SLC5A6: variants seen among roughly 807,000 people sequenced by gnomAD.
SLC5A6 encodes the protein solute carrier family 5 member 6.
SLC5A6 carries 31 observed loss-of-function variants against 67.9 expected under a neutral mutation model. The ratio of observed to expected loss-of-function variants is 0.46; its 90% confidence interval spans 0.34 to 0.62. The LOEUF (loss-of-function observed/expected upper bound fraction) is 0.62. SLC5A6 is among the 20% of genes least tolerant of loss of function. The pLI is 0.01. For synonymous variants in SLC5A6, 343 were observed against 331.0 expected (o/e 1.04, Z -0.39); for missense variants, 673 against 812.8 (o/e 0.83, Z 2.09).
chr2:27,206,181 G>A, intron 5 of SLC5A6, 88 bp from the exon 6 acceptor site: 1 of 1,087,234 alleles, frequency 9.2e-7, no homozygotes, highest in East Asian at 2.4e-5. Flanking sequence ...ATGCCACAGA[G>A]ATAAAGCATT....
rs1347837600 is a variant in SLC5A6, at chr2:27,207,571, A to G, written c.80T>C (p.Met27Thr). The G allele has an allele frequency of 6.2e-7, 1 of 1,614,148 alleles. No homozygotes were observed. Among genetic ancestry groups the G allele is most frequent in the African/African-American group, 1.3e-5 (1 of 74,954 alleles). Residue 27 changes from methionine (M) to threonine (T), a missense_variant, in exon 3 of 17, where the codon ATG (methionine) becomes ACG (threonine). By Grantham distance (81) the Met-to-Thr change is moderately conservative. Transcript: ENST00000310574. This position sits in a 1 kb window ranked among gnomAD's most constrained non-coding sequence, Gnocchi z 5.5. ...TSVGMSTFSI[M>T]DYVVFVLLLV... ...CAGCAGGACGAACACCACATAGTCC[A>G]TGATGGAGAAGGTAGACATGCCCAC...
At chr2:27,202,759 T>C (rs1200499055) in intron 12 of SLC5A6, 54 bp downstream of exon 12, 2 of 1,492,736 alleles carry the variant, frequency 1.3e-6, no homozygotes, top group Non-Finnish European at 1.9e-6. Context: ...ACTTCCTGTT[T>C]CAATCAATTC....
Position 27,201,785 on chromosome 2 carries a change from G to A in SLC5A6, c.1425C>T (p.Ile475=), listed in dbSNP as rs61360024. 7.3e-4 allele frequency: 1,171 copies of A among 1,614,112 alleles called. 5 individuals are homozygous for A. In the African/African-American group the frequency reaches 0.014, roughly 19 times the overall value. ...VMAFWIGIGS[I]VTSMGSSMPP... ...GCATGCTGGAGCCCATGCTGGTCAC[G>A]ATGCTCCCGATGCCAATCCAGAAGG... Residue 475 remains isoleucine, a synonymous_variant, in exon 14 of 17, where the codon ATC becomes ATT. Transcript: ENST00000310574.
chr2:27,208,913 G>C (rs372444085), intron 2 of SLC5A6, among the ~76,000 whole-genome samples: 1 of 152,190 alleles, frequency 6.6e-6, no homozygotes, highest in East Asian at 1.9e-4. Flanking sequence ...ACTCTGTGCG[G>C]GAGGGAGTTG....
rs773549741 is a variant in SLC5A6 at position 27,207,495 on chromosome 2, G to A, written c.156C>T (p.Gly52=). 12 of 1,614,180 alleles carry A rather than the reference G, an allele frequency of 7.4e-6. No homozygotes were observed. Among genetic ancestry groups the A allele is most frequent in the Non-Finnish European group, 1.0e-5 (12 of 1,180,038 alleles). The change falls in exon 3 of 17, where the codon GGC becomes GGT. Residue 52 remains glycine (G), a synonymous_variant. Coordinates refer to ENST00000310574, the MANE Select transcript of SLC5A6 (RefSeq NM_021095.4). This position sits in a 1 kb window ranked among gnomAD's most constrained non-coding sequence, Gnocchi z 5.5. ...IGLYHACRGW[G]RHTVGELLMA... ...TCAGCAGCTCACCAACAGTATGCCG[G>A]CCCCAGCCACGACAAGCATGGTAGA...
chr2:27,212,711 CTT>C (rs934546786), upstream of SLC5A6: 69 of 1,240,508 alleles, frequency 5.6e-5, no homozygotes, highest in African/African-American at 6.4e-4. Context: ...TTTAGAATAA[CTT>C]TAAGTTCTTT....
At chr2:27,201,559 C>T (rs1673634773) in intron 14 of SLC5A6, 106 bp from the exon 15 acceptor site, 1 of 1,371,874 alleles carries the variant, frequency 7.3e-7, no homozygotes, top group Non-Finnish European at 1.0e-6. Flanking sequence ...GACCCAATAC[C>T]CAACATTTCC....
At chr2:27,209,103 T>G (rs1674285040) in intron 2 of SLC5A6, among the ~76,000 whole-genome samples, 1 of 152,216 alleles carries the variant, frequency 6.6e-6, no homozygotes. Context: ...ACTGACGATT[T>G]CACAGATAAA....
At chr2:27,210,358 C>G (rs966752770) in intron 2 of SLC5A6, among the ~76,000 whole-genome samples, 1 of 152,114 alleles carries the variant, frequency 6.6e-6, no homozygotes, top group Admixed American at 6.5e-5. Context: ...AAGAGGGCGG[C>G]CAAAAGCAAG....
At position 27,211,488 on chromosome 2, in the gene SLC5A6, A is replaced by C. The variant is rs1674499652; in HGVS notation, c.-162T>G. 6.6e-6 allele frequency: 1 copy of C among 152,432 alleles called. No individual in the cohort carries two copies. Among genetic ancestry groups the C allele is most frequent in the Admixed American group, 6.5e-5 (1 of 15,286 alleles). The allele number at this position is 152,432 out of a possible 1,614,324, so 9.4% of individuals were successfully genotyped here. ...TTACCTCCGTGGTTCAGTCAGAGCT[A>C]GGAAGGTCCCTTTGTGCTTCCTGAG... On this transcript the variant is annotated 5_prime_UTR_variant, in exon 2 of 17. It removes the in-frame stop codon of an upstream open reading frame in the 5' UTR. Coordinates refer to ENST00000310574, the MANE Select transcript of SLC5A6 (RefSeq NM_021095.4).
chr2:27,200,488 G>T lies in SLC5A6; in HGVS notation c.1856C>A (p.Thr619Lys). 3 of 1,613,960 alleles carry T rather than the reference G, an allele frequency of 1.9e-6. No individual in the cohort carries two copies. The highest frequency in any genetic ancestry group is 1.7e-6 in the Non-Finnish European group (2 of 1,179,854). The part of the protein sequence containing the change: ...RDKEAMALDG[T>K]AYQGSSSTCI... The stretch of plus-strand genomic sequence containing the variant: ...GGTGGAGCTGCTCCCCTGATAGGCT[G>T]TGCCATCCAGGGCCATGGCCTCCTT... The change falls in exon 17 of 17, where the codon ACA becomes AAA. Residue 619 changes from threonine to lysine, a missense_variant. Transcript: ENST00000310574.
In SLC5A6 at chr2:27,201,661, C is replaced by T. The variant is rs1244086118; in HGVS notation, c.1544+5G>A. 3 of 1,612,922 alleles carry T rather than the reference C, an allele frequency of 1.9e-6. No homozygotes were observed. The highest frequency in any genetic ancestry group is 2.7e-5 in the African/African-American group (2 of 74,902). ...AAAACAAGAAGATAGCAAGCCCTGCCTTACTTGGAGAAGGTAGTCAAGGGC... is the reference window on the plus strand; with the variant it reads ...AAAACAAGAAGATAGCAAGCCCTGCTTTACTTGGAGAAGGTAGTCAAGGGC... On this transcript the variant is annotated splice_donor_5th_base_variant and intron_variant, in intron 14 of 16. Transcript: ENST00000310574.
intron 11 of SLC5A6, 57 bp from the exon 12 acceptor site, chr2:27,202,937 G>A: frequency 1.9e-6 from 3 of 1,599,434 alleles, no homozygotes; most frequent in Non-Finnish European, 2.6e-6. Flanking sequence ...CAAGCAATGG[G>A]GTAAAGCAAG....
At chr2:27,200,691 G>A (rs1002085360) in intron 16 of SLC5A6, 112 bp from the exon 17 acceptor site, 8 of 1,126,632 alleles carry the variant, frequency 7.1e-6, no homozygotes, top group South Asian at 4.5e-5. Flanking sequence ...GGCTGGGTTC[G>A]GGAGGGAGAG....
chr2:27,204,619 A>C (rs750168424), intron 8 of SLC5A6, 29 bp from the exon 9 acceptor site: 1 of 1,612,284 alleles, frequency 6.2e-7, no homozygotes, highest in East Asian at 2.2e-5. Flanking sequence ...CCAGGAGGAG[A>C]GCCGGCGTTA....
Position 27,205,190 on chromosome 2 carries a change from G to A in SLC5A6, c.734+160C>T, listed in dbSNP as rs951368607. The A allele has an allele frequency of 3.3e-5, 25 of 766,720 alleles. No homozygotes were observed. In the African/African-American group the frequency reaches 4.2e-4, roughly 13 times the overall value. The allele number at this position is 766,720 out of a possible 1,614,324, so 47.5% of individuals were successfully genotyped here. A position where few individuals can be genotyped will look rare whatever the true frequency, so the allele number is the denominator to read the frequency against. Reference sequence around the variant, plus strand: ...CTCTATAAACACTAGCCGGGCACCTGTAATCACCCTCCATCTCTGCAGGAC... The same window carrying A: ...CTCTATAAACACTAGCCGGGCACCTATAATCACCCTCCATCTCTGCAGGAC... On this transcript the variant is annotated intron_variant, in intron 7 of 16. Transcript: ENST00000310574.
chr2:27,212,766 C>A, upstream of SLC5A6: 7 of 786,024 alleles, frequency 8.9e-6, no homozygotes, highest in Non-Finnish European at 1.3e-5. Flanking sequence ...TCTCTACGCA[C>A]GAACGCCATA....
At chr2:27,205,095 A>G in intron 7 of SLC5A6, 164 bp from the exon 8 acceptor site, 1 of 779,716 alleles carries the variant, frequency 1.3e-6, no homozygotes, top group Non-Finnish European at 2.0e-6. Flanking sequence ...CAGCACAGCC[A>G]GTTAGAGGGA....
At chr2:27,205,023 G>A in intron 7 of SLC5A6, 92 bp from the exon 8 acceptor site, 1 of 1,483,408 alleles carries the variant, frequency 6.7e-7, no homozygotes, top group Non-Finnish European at 9.3e-7. Context: ...CAGGAAAGGA[G>A]AGACACCACT....
Sources: gnomAD v4.1 joint callset for allele counts (sites outside exome capture counted in the v4.1 genomes callset) on GRCh38, gnomAD v4.1.1 for gene constraint, Gnocchi (gnomAD v3.1) non-coding constraint, MANE v1.5 for transcripts, NCBI Gene and HGNC (gene_info 2026-07-23, HGNC 2026-07-21) for gene names.